The following GAREM1 variants were observed in gnomAD, a reference collection of about 807,000 sequenced individuals.
The protein encoded by GAREM1 is GRB2-associated and regulator of MAPK protein 1.
A neutral mutation model predicts 71.3 loss-of-function variants in GAREM1; 26 were observed. The ratio of observed to expected loss-of-function variants is 0.36; its 90% CI spans 0.27 to 0.51. The LOEUF (loss-of-function observed/expected upper bound fraction) is 0.51. Among genes scored for constraint, GAREM1 ranks in the 20% least tolerant of loss-of-function variants. GAREM1 has a pLI of 0.95. For missense variants in GAREM1, 1,026 were observed against 1,103.1 expected, an observed-to-expected ratio of 0.93 and a Z score of 0.99; for synonymous variants, 440 against 433.2, an observed-to-expected ratio of 1.02 and a Z score of -0.20.
chr18:32,355,162 A>T (rs1034355137), intron 2 of GAREM1, among the ~76,000 whole-genome samples: 12 of 152,332 alleles, frequency 7.9e-5, no homozygotes, highest in Middle Eastern at 3.4e-3. Context: ...AAATTTTTTT[A>T]AAGTCTTGTG....
intron 3 of GAREM1, among the ~76,000 whole-genome samples, chr18:32,304,015 A>G (rs1309296603): frequency 3.3e-5 from 5 of 151,676 alleles, no homozygotes; most frequent in African/African-American, 1.2e-4. Context: ...AGGAGGGATA[A>G]GAGAAAAGAG....
intron 2 of GAREM1, among the ~76,000 whole-genome samples, chr18:32,331,911 G>A (rs990651025): frequency 6.6e-5 from 10 of 151,962 alleles, no homozygotes; most frequent in Non-Finnish European, 8.8e-5. Context: ...AAGGACGCAC[G>A]GCAGGGACAG....
intron 1 of GAREM1, among the ~76,000 whole-genome samples, chr18:32,415,463 GAA>G (rs2048457966): frequency 6.6e-6 from 1 of 151,854 alleles, no homozygotes; most frequent in Non-Finnish European, 1.5e-5. Context: ...TATTGATGCA[GAA>G]AATCTTCAAC....
At chr18:32,284,950 C>T (rs960371980) in intron 4 of GAREM1, among the ~76,000 whole-genome samples, 4 of 151,894 alleles carry the variant, frequency 2.6e-5, no homozygotes, top group African/African-American at 4.8e-5. Context: ...AGGGTTTCAC[C>T]GTGTTAGCCA....
intron 2 of GAREM1, among the ~76,000 whole-genome samples, chr18:32,329,209 GCAA>G (rs1278360366): frequency 6.6e-6 from 1 of 151,964 alleles, no homozygotes. Context: ...CACCTCAACA[GCAA>G]CAACATCAAC....
chr18:32,324,853 C>T (rs1025006655), intron 2 of GAREM1, among the ~76,000 whole-genome samples: 4 of 152,146 alleles, frequency 2.6e-5, no homozygotes, highest in Admixed American at 6.5e-5. Flanking sequence ...AAAAATTATA[C>T]CATGTATGAC....
At chr18:32,450,055 C>T (rs1204310700) in intron 1 of GAREM1, among the ~76,000 whole-genome samples, 2 of 152,116 alleles carry the variant, frequency 1.3e-5, no homozygotes, top group Admixed American at 6.5e-5. Context: ...CTCCCTTTGC[C>T]AGTAATTGCA....
At chr18:32,437,433 C>T (rs1317399650) in intron 1 of GAREM1, among the ~76,000 whole-genome samples, 1 of 152,064 alleles carries the variant, frequency 6.6e-6, no homozygotes, top group African/African-American at 2.4e-5. Context: ...GAAATTAGTT[C>T]TAAAGAAAAG....
chr18:32,423,031 A>T (rs572431405), intron 1 of GAREM1, among the ~76,000 whole-genome samples: 1 of 152,350 alleles, frequency 6.6e-6, no homozygotes, highest in East Asian at 1.9e-4. Flanking sequence ...CTCAAATTTC[A>T]TATGAGCACA....
At chr18:32,347,628 G>A (rs548324523) in intron 2 of GAREM1, among the ~76,000 whole-genome samples, 4 of 152,312 alleles carry the variant, frequency 2.6e-5, no homozygotes, top group South Asian at 4.1e-4. Context: ...ATATTTCTTG[G>A]AGAAATGCCT....
chr18:32,341,518 G>A (rs1447175495), intron 2 of GAREM1, among the ~76,000 whole-genome samples: 2 of 152,076 alleles, frequency 1.3e-5, no homozygotes, highest in Non-Finnish European at 1.5e-5. Context: ...TGGGTCAAAT[G>A]GTATTTCTAG....
At chr18:32,396,618 A>C (rs1178876063) in intron 1 of GAREM1, among the ~76,000 whole-genome samples, 1 of 152,208 alleles carries the variant, frequency 6.6e-6, no homozygotes, top group Non-Finnish European at 1.5e-5. Context: ...AAAGAGTAAA[A>C]AGAAACGAAC....
intron 3 of GAREM1, among the ~76,000 whole-genome samples, chr18:32,300,779 G>A (rs2047191856): frequency 6.6e-6 from 1 of 151,216 alleles, no homozygotes; most frequent in South Asian, 2.1e-4. Flanking sequence ...GGTGGTGCAT[G>A]CCTGTAATCC....
At chr18:32,379,549 C>T (rs1599004374) in intron 2 of GAREM1, among the ~76,000 whole-genome samples, 1 of 151,100 alleles carries the variant, frequency 6.6e-6, no homozygotes, top group Non-Finnish European at 1.5e-5. Flanking sequence ...TACTAAAATA[C>T]AAAAATTAGC....
At chr18:32,385,996 T>C (rs1160754887) in intron 2 of GAREM1, among the ~76,000 whole-genome samples, 2 of 152,216 alleles carry the variant, frequency 1.3e-5, no homozygotes, top group African/African-American at 4.8e-5. Flanking sequence ...AAAAATTCAG[T>C]CATCAAAAAT....
chr18:32,311,578 G>A (rs1598951880), intron 2 of GAREM1, among the ~76,000 whole-genome samples: 1 of 152,280 alleles, frequency 6.6e-6, no homozygotes, highest in Non-Finnish European at 1.5e-5. Context: ...CAGTATTGCT[G>A]AGATGGTGAC....
In GAREM1 at chr18:32,287,053, G is replaced by A. The variant is rs1446036490; in HGVS notation, c.1544C>T (p.Pro515Leu). Residue 515 changes from proline (P) to leucine (L), a missense_variant, in exon 4 of 6, where the codon CCA becomes CTA. By Grantham distance (98) the Pro-to-Leu change is moderately conservative. Coordinates refer to ENST00000269209, the MANE Select transcript of GAREM1 (RefSeq NM_001242409.2). This position sits in a 1 kb window ranked among gnomAD's most constrained non-coding sequence, Gnocchi z 5.9. The part of the protein sequence containing the change: ...KSSDTALPPP[P>L]VPPKSEAVRE... ...TACGGCTTCAGATTTGGGAGGCACT[G>A]GAGGTGGAGGTAGGGCAGTATCTGA... 3.1e-6 allele frequency: 5 copies of A among 1,613,480 alleles called. No homozygotes were observed. The highest frequency in any genetic ancestry group is 3.4e-6 in the Non-Finnish European group (4 of 1,179,450).
At chr18:32,442,792 T>C (rs774786413) in intron 1 of GAREM1, among the ~76,000 whole-genome samples, 1 of 152,152 alleles carries the variant, frequency 6.6e-6, no homozygotes, top group Non-Finnish European at 1.5e-5. Flanking sequence ...CCCAAACAAA[T>C]GTTCTCAGAA....
intron 3 of GAREM1, among the ~76,000 whole-genome samples, chr18:32,290,570 G>A (rs530854808): frequency 4.0e-5 from 6 of 151,060 alleles, no homozygotes; most frequent in East Asian, 1.9e-4. Flanking sequence ...GCTTGAACCC[G>A]GGAGGCAGAG....
Sources: gnomAD v4.1 joint callset for allele counts (sites outside exome capture counted in the v4.1 genomes callset) on GRCh38, gnomAD v4.1.1 for gene constraint, Gnocchi (gnomAD v3.1) non-coding constraint, MANE v1.5 for transcripts, NCBI Gene and HGNC (gene_info 2026-07-23, HGNC 2026-07-21) for gene names.